RITA1: variants seen among roughly 807,000 people sequenced by gnomAD.
RITA1 encodes RBPJ interacting and tubulin associated 1.
Under a neutral mutation model 8.7 loss-of-function variants are expected in RITA1, and 15 were observed. The observed-to-expected ratio is 1.72, with a 90% CI of 1.15 to 2.65. The LOEUF is 2.65. Among genes scored for constraint, RITA1 ranks in the 30% most tolerant of loss-of-function variants. The probability of loss-of-function intolerance (pLI) is 0.00; values close to 1 mark genes in which losing one functional copy is unlikely to be tolerated. For synonymous variants in RITA1, 145 were observed against 156.2 expected (o/e 0.93, Z 0.53); for missense variants, 330 against 363.8 (o/e 0.91, Z 0.76).
rs183063048 is a variant in RITA1 at position 113,190,217 on chromosome 12, G to A, written c.303-1093G>A. Among the ~76,000 whole-genome samples, 961 of 150,774 alleles carry A rather than the reference G, an allele frequency of 6.4e-3. 4 individuals are homozygous for A. Among genetic ancestry groups the A allele is most frequent in the African/African-American group, 0.023 (932 of 40,968 alleles). On this transcript the variant is annotated intron_variant, in intron 3 of 3. Coordinates refer to ENST00000548278, the MANE Select transcript of RITA1 (RefSeq NM_032848.3). ...CATGGTAGCACATGCCTGTAATCCC[G>A]CCTACTCAGGAGGCTGAGGCAGGAG...
chr12:113,187,591 C>T (rs1487054766), intron 3 of RITA1, among the ~76,000 whole-genome samples: 1 of 151,780 alleles, frequency 6.6e-6, no homozygotes, highest in Non-Finnish European at 1.5e-5. Flanking sequence ...AACTGTGTCT[C>T]TATAAAAAAT....
chr12:113,191,171 C>A lies in RITA1; in HGVS notation c.303-139C>A. The stretch of plus-strand genomic sequence containing the variant: ...GAGGCTGTGGCCTCGCTGTAGGTTT[C>A]AGACTGGGAGACAAGGACTCCTGGG... On this transcript the variant is annotated intron_variant, in intron 3 of 3. Coordinates refer to ENST00000548278, the MANE Select transcript of RITA1 (RefSeq NM_032848.3). This position sits in a 1 kb window ranked among gnomAD's most constrained non-coding sequence, Gnocchi z 4.0. 1 of 1,153,168 alleles carries A rather than the reference C, an allele frequency of 8.7e-7. No individual in the cohort carries two copies. The highest frequency in any genetic ancestry group is 1.2e-6 in the Non-Finnish European group (1 of 850,072). The allele number at this position is 1,153,168 out of a possible 1,614,324, so 71.4% of individuals were successfully genotyped here.
chr12:113,186,594 A>C, intron 2 of RITA1, 89 bp from the exon 3 acceptor site: 2 of 1,438,306 alleles, frequency 1.4e-6, no homozygotes, highest in Non-Finnish European at 1.8e-6. Context: ...AGAGAACTAA[A>C]CCCTTGGGAT....
At chr12:113,190,813 T>G (rs1339605678) in intron 3 of RITA1, among the ~76,000 whole-genome samples, 1 of 152,214 alleles carries the variant, frequency 6.6e-6, no homozygotes, top group Admixed American at 6.5e-5. Context: ...GTCTCCACCT[T>G]AGTGCTGCTT....
chr12:113,191,534 C>T lies in RITA1; in HGVS notation c.527C>T (p.Pro176Leu). Residue 176 changes from proline to leucine, a missense_variant, in exon 4 of 4, where the codon CCA becomes CTA. Coordinates refer to ENST00000548278, the MANE Select transcript of RITA1 (RefSeq NM_032848.3). This position sits in a 1 kb window ranked among gnomAD's most constrained non-coding sequence, Gnocchi z 4.0. ...PAGPSKTEPG[P>L]AADSQKLSMG... ...GGTCCCTCCAAGACAGAGCCGGGGC[C>T]AGCGGCAGACTCCCAGAAGTTATCT... 1 of 1,612,830 alleles carries T rather than the reference C, an allele frequency of 6.2e-7. No individual in the cohort carries two copies. Among genetic ancestry groups the T allele is most frequent in the South Asian group, 1.1e-5 (1 of 90,994 alleles).
Position 113,191,263 on chromosome 12 carries a change from G to T in RITA1, c.303-47G>T. On this transcript the variant is annotated intron_variant, in intron 3 of 3. Coordinates refer to ENST00000548278, the MANE Select transcript of RITA1 (RefSeq NM_032848.3). The surrounding 1 kb of genome is among the most constrained non-coding windows in gnomAD (Gnocchi z 4.0). ...GGTGGGAGAGCTGTTAAAGTTTTGA[G>T]GGGTTGTTCATCCCCCAGCTCATGG... 1 of 1,489,720 alleles carries T rather than the reference G, an allele frequency of 6.7e-7. No individual in the cohort carries two copies. The highest frequency in any genetic ancestry group is 1.4e-5 in the South Asian group (1 of 73,074). 92.3% of individuals were successfully genotyped at this position (1,489,720 alleles called of 1,614,324 possible). A position where few individuals can be genotyped will look rare whatever the true frequency, so the allele number is the denominator to read the frequency against.
rs760735136 is a variant in RITA1, at chr12:113,191,768, C to G, written c.761C>G (p.Thr254Ser). 6.2e-7 allele frequency: 1 copy of G among 1,612,732 alleles called. No homozygotes were observed. The highest frequency in any genetic ancestry group is 8.5e-7 in the Non-Finnish European group (1 of 1,179,366). The change falls in exon 4 of 4, where the codon ACC becomes AGC. Residue 254 changes from threonine to serine, a missense_variant. Transcript: ENST00000548278. This position sits in a 1 kb window ranked among gnomAD's most constrained non-coding sequence, Gnocchi z 4.0. ...TCAGTTAGCATTTCAGTGCCATCTA[C>G]CCCACGACGAGGTGGGGCCACCCAG... ...ARSVSISVPS[T>S]PRRGGATQKP...
rs1952532002 is a variant in RITA1 at position 113,186,009 on chromosome 12, C to G, written c.-209C>G. On this transcript the variant is annotated 5_prime_UTR_variant, in exon 1 of 4. Transcript: ENST00000548278. ...CCCTGAGGATCCCGATGCCTACGAG[C>G]CAAGATGCTCAGGTAGGAGAACAAC... is the stretch of plus-strand genomic sequence containing the variant. 2 of 1,535,994 alleles carry G rather than the reference C, an allele frequency of 1.3e-6. No homozygotes were observed. The highest frequency in any genetic ancestry group is 2.7e-5 in the African/African-American group (2 of 73,176).
At position 113,191,831 on chromosome 12, in the gene RITA1, G is replaced by T; in HGVS notation, c.*14G>T. 1 of 1,582,110 alleles carries T rather than the reference G, an allele frequency of 6.3e-7. No individual in the cohort carries two copies. On this transcript the variant is annotated 3_prime_UTR_variant, in exon 4 of 4. Coordinates refer to ENST00000548278, the MANE Select transcript of RITA1 (RefSeq NM_032848.3). The surrounding 1 kb of genome is among the most constrained non-coding windows in gnomAD (Gnocchi z 4.0). Reference sequence around the variant, plus strand: ...CCTTGGAAATGATACTCTTTCATCAGGGTTGCCTATGGGGCCACGGCGACA... The same window carrying T: ...CCTTGGAAATGATACTCTTTCATCATGGTTGCCTATGGGGCCACGGCGACA...
In RITA1 at chr12:113,187,019, C is replaced by A; in HGVS notation, c.273C>A (p.Thr91=). 6.2e-7 allele frequency: 1 copy of A among 1,605,656 alleles called. No individual in the cohort carries two copies. Among genetic ancestry groups the A allele is most frequent in the Non-Finnish European group, 8.5e-7 (1 of 1,175,890 alleles). ...ETTPSRGSTP[T]LTPRKKNKYR... Reference sequence around the variant, plus strand: ...CCCCCTCAAGGGGCAGCACCCCCACCCTCACACCAAGGAAGAAGAACAAAT... The same window carrying A: ...CCCCCTCAAGGGGCAGCACCCCCACACTCACACCAAGGAAGAAGAACAAAT... The change falls in exon 3 of 4, where the codon ACC becomes ACA. Residue 91 remains threonine, a synonymous_variant. Transcript: ENST00000548278.
At position 113,187,326 on chromosome 12, in the gene RITA1, C is replaced by T. The variant is rs188397630; in HGVS notation, c.302+278C>T. The T allele has an allele frequency of 8.7e-5, 32 of 367,532 alleles. No homozygotes were observed. In the East Asian group the frequency reaches 1.3e-3, roughly 15 times the overall value. 22.8% of individuals were successfully genotyped at this position (367,532 alleles called of 1,614,324 possible). ...GGTTGTGATGGTGAACTCCCTATCC[C>T]CAAATGTCACAAACTGGGCATCTGA... On this transcript the variant is annotated intron_variant, in intron 3 of 3. Coordinates refer to ENST00000548278, the MANE Select transcript of RITA1 (RefSeq NM_032848.3).
At position 113,191,244 on chromosome 12, in the gene RITA1, A is replaced by C; in HGVS notation, c.303-66A>C. 1.4e-6 allele frequency: 2 copies of C among 1,477,250 alleles called. No individual in the cohort carries two copies. Among genetic ancestry groups the C allele is most frequent in the Non-Finnish European group, 8.9e-7 (1 of 1,119,082 alleles). The allele number at this position is 1,477,250 out of a possible 1,614,324, so 91.5% of individuals were successfully genotyped here. A position where few individuals can be genotyped will look rare whatever the true frequency, so the allele number is the denominator to read the frequency against. On this transcript the variant is annotated intron_variant, in intron 3 of 3. Coordinates refer to ENST00000548278, the MANE Select transcript of RITA1 (RefSeq NM_032848.3). The surrounding 1 kb of genome is among the most constrained non-coding windows in gnomAD (Gnocchi z 4.0). ...CTGCTGCCATCCCAGGGTGGGTGGG[A>C]GAGCTGTTAAAGTTTTGAGGGGTTG...
At chr12:113,186,548 T>A in intron 2 of RITA1, 135 bp from the exon 3 acceptor site, 1 of 1,384,630 alleles carries the variant, frequency 7.2e-7, no homozygotes, top group Non-Finnish European at 9.4e-7. Flanking sequence ...AAATGCCCCC[T>A]GAAGTTGACA....
intron 2 of RITA1, among the ~76,000 whole-genome samples, 171 bp downstream of exon 2, chr12:113,186,487 C>T (rs1379195643): frequency 6.6e-6 from 1 of 152,098 alleles, no homozygotes; most frequent in Non-Finnish European, 1.5e-5. Context: ...TGCCAGTAGC[C>T]CCCCTTTCAC....
In RITA1 at chr12:113,191,744, CAGTT is replaced by C. The variant is rs765069851; in HGVS notation, c.740_743del (p.Val247AlafsTer79). ...CCCCTGGTGACTTCCAGGGCTCGCT[CAGTT>C]AGCATTTCAGTGCCATCTACCCCAC... On this transcript the variant is annotated frameshift_variant, in exon 4 of 4. Transcript: ENST00000548278. LOFTEE classifies it high-confidence loss of function. The surrounding 1 kb of genome is among the most constrained non-coding windows in gnomAD (Gnocchi z 4.0). 9.9e-6 allele frequency: 16 copies of C among 1,613,958 alleles called. No individual in the cohort carries two copies. The highest frequency in any genetic ancestry group is 4.5e-5 in the East Asian group (2 of 44,862).
Position 113,186,198 on chromosome 12 carries a change from AC to A in RITA1, c.-181del. 1.5e-6 allele frequency: 2 copies of A among 1,340,090 alleles called. No homozygotes were observed. Among genetic ancestry groups the A allele is most frequent in the Non-Finnish European group, 2.0e-6 (2 of 995,346 alleles). 83.0% of individuals were successfully genotyped at this position (1,340,090 alleles called of 1,614,324 possible). A position where few individuals can be genotyped will look rare whatever the true frequency, so the allele number is the denominator to read the frequency against. ...CCACCGTTTTAGCTTTATAGGTGTGACCTACACATGTGACTTCACCTCAGTT... is the reference window on the plus strand; with the variant it reads ...CCACCGTTTTAGCTTTATAGGTGTGACTACACATGTGACTTCACCTCAGTT... On this transcript the variant is annotated 5_prime_UTR_variant, in exon 2 of 4. It removes the in-frame stop codon of an upstream open reading frame in the 5' UTR. Transcript: ENST00000548278.
At chr12:113,186,052 T>G in intron 1 of RITA1, 31 bp downstream of exon 1, 1 of 1,536,026 alleles carries the variant, frequency 6.5e-7, no homozygotes, top group Non-Finnish European at 8.7e-7. Context: ...TGCAGGGACC[T>G]CGGGCACTTT....
intron 3 of RITA1, among the ~76,000 whole-genome samples, chr12:113,188,753 C>T (rs570725453): frequency 6.9e-6 from 1 of 145,632 alleles, no homozygotes; most frequent in African/African-American, 2.6e-5. Context: ...GATTAGGATC[C>T]CCTACCCTTA....
chr12:113,191,779 G>T lies in RITA1; in HGVS notation c.772G>T (p.Gly258Cys). Residue 258 changes from glycine to cysteine, a missense_variant, in exon 4 of 4, where the codon GGT (glycine) becomes TGT (cysteine). Transcript: ENST00000548278. This position sits in a 1 kb window ranked among gnomAD's most constrained non-coding sequence, Gnocchi z 4.0. ...SISVPSTPRR[G>C]GATQKPKPPW... ...TTCAGTGCCATCTACCCCACGACGA[G>T]GTGGGGCCACCCAGAAACCAAAGCC... 1 of 1,611,192 alleles carries T rather than the reference G, an allele frequency of 6.2e-7. No individual in the cohort carries two copies.
Sources: allele counts gnomAD v4.1 joint callset (sites outside exome capture counted in the v4.1 genomes callset), GRCh38; gene constraint gnomAD v4.1.1; non-coding constraint Gnocchi (gnomAD v3.1); transcripts MANE v1.5; gene names NCBI Gene and HGNC (gene_info 2026-07-23, HGNC 2026-07-21).